Variants in OR2L13 observed in about 807,000 individuals in gnomAD.
The protein encoded by OR2L13 is olfactory receptor 2L13.
OR2L13 carries 14 observed loss-of-function variants against 15.3 expected under a neutral mutation model. That is an observed-to-expected ratio of 0.91 (90% CI 0.60 to 1.43). The LOEUF (loss-of-function observed/expected upper bound fraction) is 1.43. Among genes scored for constraint, OR2L13 ranks in the 40% most tolerant of loss-of-function variants. The probability of loss-of-function intolerance (pLI) is 0.00; values close to 1 mark genes in which losing one functional copy is unlikely to be tolerated. For missense variants in OR2L13, 367 were observed against 387.9 expected, an observed-to-expected ratio of 0.95 and a Z score of 0.45; for synonymous variants, 152 against 142.9, an observed-to-expected ratio of 1.06 and a Z score of -0.45.
the OR2L13 span, chr1:247,949,260 A>G: frequency 1.2e-5 from 20 of 1,614,078 alleles, no homozygotes; most frequent in Admixed American, 1.7e-5. Flanking sequence ...TCTCATCCGC[A>G]TGAGCAAAAG....
chr1:248,028,348 C>T, the OR2L13 span, among the ~76,000 whole-genome samples: 1 of 152,110 alleles, frequency 6.6e-6, no homozygotes, highest in East Asian at 1.9e-4. Context: ...CTGCCTCAGT[C>T]TCCCAGTAGG....
At chr1:247,939,834 G>A in the OR2L13 span, among the ~76,000 whole-genome samples, 2 of 152,114 alleles carry the variant, frequency 1.3e-5, no homozygotes, top group South Asian at 2.1e-4. Flanking sequence ...TGTGGGTACC[G>A]ATTTCAATCA....
At chr1:248,046,437 C>T in the OR2L13 span, among the ~76,000 whole-genome samples, 1 of 152,112 alleles carries the variant, frequency 6.6e-6, no homozygotes, top group Admixed American at 6.5e-5. Flanking sequence ...GCCTGAATAA[C>T]AACATTCAGG....
At chr1:248,063,657 C>T in the OR2L13 span, among the ~76,000 whole-genome samples, 2 of 152,212 alleles carry the variant, frequency 1.3e-5, no homozygotes, top group Non-Finnish European at 2.9e-5. Flanking sequence ...AGCACCTCCT[C>T]TCTTCCCAGG....
the OR2L13 span, among the ~76,000 whole-genome samples, chr1:248,027,615 CTT>C: frequency 1.3e-5 from 2 of 152,122 alleles, no homozygotes; most frequent in Non-Finnish European, 2.9e-5. Context: ...CCAGCGGACA[CTT>C]AGGGAAAATA....
the OR2L13 span, among the ~76,000 whole-genome samples, chr1:247,981,994 T>C: frequency 6.6e-6 from 1 of 152,010 alleles, no homozygotes; most frequent in African/African-American, 2.4e-5. Context: ...GTTTTGTATT[T>C]TTAGTAGAGA....
At chr1:248,019,676 G>C in the OR2L13 span, among the ~76,000 whole-genome samples, 1 of 152,076 alleles carries the variant, frequency 6.6e-6, no homozygotes, top group Non-Finnish European at 1.5e-5. Context: ...ATATATTGCT[G>C]TTTATAGGAG....
chr1:248,025,546 C>A, the OR2L13 span, among the ~76,000 whole-genome samples: 1 of 149,198 alleles, frequency 6.7e-6, no homozygotes, highest in Admixed American at 6.6e-5. Flanking sequence ...TGTGGCGATT[C>A]CTCAGGGATC....
At chr1:248,066,385 T>C in the OR2L13 span, among the ~76,000 whole-genome samples, 1 of 152,240 alleles carries the variant, frequency 6.6e-6, no homozygotes, top group African/African-American at 2.4e-5. Flanking sequence ...GTAATAATTG[T>C]CTTCCTTTTG....
At chr1:248,021,800 T>C in the OR2L13 span, 1 of 553,414 alleles carries the variant, frequency 1.8e-6, no homozygotes, top group Admixed American at 3.4e-5. Flanking sequence ...TTGATGGATA[T>C]AAAAAATAGT....
At chr1:248,067,706 G>A in the OR2L13 span, among the ~76,000 whole-genome samples, 2 of 152,232 alleles carry the variant, frequency 1.3e-5, no homozygotes, top group Admixed American at 6.5e-5. Context: ...GCCTCACTCA[G>A]GAAGCACAAG....
At chr1:247,973,373 A>G in the OR2L13 span, among the ~76,000 whole-genome samples, 1 of 152,206 alleles carries the variant, frequency 6.6e-6, no homozygotes, top group East Asian at 1.9e-4. Flanking sequence ...GTATACTTAG[A>G]AATCCCCATC....
chr1:248,083,856 C>G, the OR2L13 span: 11 of 1,612,282 alleles, frequency 6.8e-6, no homozygotes, highest in Non-Finnish European at 8.5e-6. Flanking sequence ...ATAAAAGAGT[C>G]CCACCACAGC....
the OR2L13 span, among the ~76,000 whole-genome samples, chr1:248,046,441 A>C: frequency 6.6e-6 from 1 of 152,220 alleles, no homozygotes; most frequent in African/African-American, 2.4e-5. Flanking sequence ...GAATAACAAC[A>C]TTCAGGCTAT....
chr1:248,007,783 A>G, the OR2L13 span, among the ~76,000 whole-genome samples: 2 of 152,344 alleles, frequency 1.3e-5, no homozygotes, highest in South Asian at 4.1e-4. Context: ...GGATTTCATA[A>G]CATACACTGT....
chr1:247,938,566 A>T, the OR2L13 span, among the ~76,000 whole-genome samples: 1 of 152,148 alleles, frequency 6.6e-6, no homozygotes, highest in Non-Finnish European at 1.5e-5. Context: ...GCTAAAAAAC[A>T]TTTTTTTCCT....
At chr1:248,052,123 T>C in the OR2L13 span, among the ~76,000 whole-genome samples, 2 of 152,218 alleles carry the variant, frequency 1.3e-5, no homozygotes, top group Non-Finnish European at 2.9e-5. Flanking sequence ...GCCTTTATTA[T>C]TCGACATTTT....
chr1:247,981,768 T>C, the OR2L13 span, among the ~76,000 whole-genome samples: 1 of 152,234 alleles, frequency 6.6e-6, no homozygotes, highest in Non-Finnish European at 1.5e-5. Context: ...AATGATACCC[T>C]CAGTCAAGTA....
At chr1:248,006,662 T>G in the OR2L13 span, among the ~76,000 whole-genome samples, 1 of 152,068 alleles carries the variant, frequency 6.6e-6, no homozygotes, top group Admixed American at 6.5e-5. Context: ...GTGATAATAT[T>G]AGGAGTTGGG....
Sources: allele counts gnomAD v4.1 joint callset (sites outside exome capture counted in the v4.1 genomes callset), GRCh38; gene constraint gnomAD v4.1.1; transcripts MANE v1.5; gene names NCBI Gene and HGNC (gene_info 2026-07-23, HGNC 2026-07-21).